SLCO2A1: variants seen among roughly 807,000 people sequenced by gnomAD.
SLCO2A1 encodes the protein matrin F/G 1.
Under a neutral mutation model 71.7 loss-of-function variants are expected in SLCO2A1, and 60 were observed. That is an observed-to-expected ratio of 0.84 (90% CI 0.68 to 1.04). The LOEUF is 1.04. Among genes scored for constraint, SLCO2A1 ranks in the 50% least tolerant of loss-of-function variants. The pLI is 0.00. For missense variants in SLCO2A1, 745 were observed against 813.4 expected (o/e 0.92, Z 1.02); for synonymous variants, 308 against 326.7 (o/e 0.94, Z 0.62).
At chr3:134,016,028 CCATT>C (rs759208835) in intron 1 of SLCO2A1, among the ~76,000 whole-genome samples, 122 of 152,136 alleles carry the variant, frequency 8.0e-4, no homozygotes, top group Non-Finnish European at 1.1e-3. Context: ...AACCTTACAT[CCATT>C]CAATTAACTC....
At chr3:133,953,853 C>T (rs1261093738) in intron 4 of SLCO2A1, 92 bp from the exon 5 acceptor site, 16 of 929,636 alleles carry the variant, frequency 1.7e-5, no homozygotes, top group Non-Finnish European at 2.4e-5. Context: ...CTTGAGATAT[C>T]ACTTCATCTG....
chr3:134,002,312 G>A (rs1462838423), intron 1 of SLCO2A1, among the ~76,000 whole-genome samples: 1 of 152,132 alleles, frequency 6.6e-6, no homozygotes, highest in Non-Finnish European at 1.5e-5. Flanking sequence ...CTGGCCCAGG[G>A]GTTCTCAGGG....
At chr3:134,024,534 G>A (rs575190113) in intron 1 of SLCO2A1, among the ~76,000 whole-genome samples, 37 of 152,332 alleles carry the variant, frequency 2.4e-4, no homozygotes, top group Admixed American at 7.8e-4. Context: ...CTATGTGTCA[G>A]AAAGAGAAAA....
rs1934378464 is a variant in SLCO2A1, at chr3:133,973,567, T to C, written c.397+96A>G. On this transcript the variant is annotated intron_variant, in intron 3 of 13. Coordinates refer to ENST00000310926, the MANE Select transcript of SLCO2A1 (RefSeq NM_005630.3). ...GTCTGAGCTTCATATGCCCTCTTCC[T>C]GGAGTGGTATCCACTGCCCTAGGAG... 3 of 1,287,708 alleles carry C rather than the reference T, an allele frequency of 2.3e-6. No individual in the cohort carries two copies. The Admixed American group carries it at 6.1e-5, about 26-fold the overall frequency. The allele number at this position is 1,287,708 out of a possible 1,614,324, so 79.8% of individuals were successfully genotyped here.
chr3:134,008,632 C>T (rs550459858), intron 1 of SLCO2A1, among the ~76,000 whole-genome samples: 1 of 152,288 alleles, frequency 6.6e-6, no homozygotes, highest in South Asian at 2.1e-4. Context: ...CACCACCTCA[C>T]CCTCAGGCCT....
At chr3:133,989,413 C>T (rs1258266776) in intron 1 of SLCO2A1, among the ~76,000 whole-genome samples, 1 of 152,188 alleles carries the variant, frequency 6.6e-6, no homozygotes, top group East Asian at 1.9e-4. Context: ...AGTGGTAACA[C>T]CCCTCTGAGA....
At chr3:133,965,071 T>G (rs747409699) in intron 3 of SLCO2A1, among the ~76,000 whole-genome samples, 1 of 152,126 alleles carries the variant, frequency 6.6e-6, no homozygotes, top group Non-Finnish European at 1.5e-5. Flanking sequence ...GGGTGTGAGA[T>G]AGAATTTATT....
At chr3:133,987,141 CCG>C (rs1934733961) in intron 1 of SLCO2A1, among the ~76,000 whole-genome samples, 1 of 127,884 alleles carries the variant, frequency 7.8e-6, no homozygotes, top group African/African-American at 2.9e-5. Flanking sequence ...GCCCCCCCCC[CCG>C]CCCCCGCCCC....
chr3:133,944,721 C>T (rs930552473), intron 10 of SLCO2A1, among the ~76,000 whole-genome samples: 2 of 152,328 alleles, frequency 1.3e-5, no homozygotes, highest in East Asian at 1.9e-4. Flanking sequence ...CTAATGCCCT[C>T]GATTTATCTG....
chr3:133,945,865 C>T (rs567350169), intron 9 of SLCO2A1, among the ~76,000 whole-genome samples: 20 of 152,262 alleles, frequency 1.3e-4, no homozygotes, highest in Admixed American at 3.3e-4. Flanking sequence ...TATAATTATA[C>T]GAATGAGAGT....
chr3:133,958,150 C>A (rs1933940218), intron 3 of SLCO2A1, among the ~76,000 whole-genome samples: 1 of 152,196 alleles, frequency 6.6e-6, no homozygotes, highest in African/African-American at 2.4e-5. Context: ...GGGTGTGGCG[C>A]TGGCTGACTC....
intron 3 of SLCO2A1, among the ~76,000 whole-genome samples, chr3:133,961,576 T>C (rs1343739806): frequency 2.6e-5 from 4 of 152,244 alleles, no homozygotes; most frequent in Admixed American, 6.5e-5. Flanking sequence ...AAAATCCTCA[T>C]GAAGTTCATC....
Position 133,946,468 on chromosome 3 carries a change from AG to A in SLCO2A1, c.1295+787del, listed in dbSNP as rs544483206. Among the ~76,000 whole-genome samples, 732 of 152,272 alleles carry A rather than the reference AG, an allele frequency of 4.8e-3. 10 individuals carry two copies. The highest frequency in any genetic ancestry group is 0.017 in the African/African-American group (691 of 41,528). ...CCCATATTGCTGTCTGCAAACCAAC[AG>A]GCAGACTTTACCTGACCTTCTCCTC... On this transcript the variant is annotated intron_variant, in intron 9 of 13. Coordinates refer to ENST00000310926, the MANE Select transcript of SLCO2A1 (RefSeq NM_005630.3).
chr3:133,982,853 G>T (rs531855775), intron 1 of SLCO2A1, among the ~76,000 whole-genome samples: 6 of 152,038 alleles, frequency 3.9e-5, no homozygotes, highest in Non-Finnish European at 8.8e-5. Flanking sequence ...GCCTGAATTG[G>T]CCTCTCTCAC....
intron 5 of SLCO2A1, among the ~76,000 whole-genome samples, chr3:133,952,418 G>A (rs1933767774): frequency 6.6e-6 from 1 of 152,202 alleles, no homozygotes; most frequent in African/African-American, 2.4e-5. Flanking sequence ...CCTGGAGTCT[G>A]GCTCAGTCCT....
chr3:133,979,366 A>C (rs977945737), intron 2 of SLCO2A1, 115 bp downstream of exon 2: 1 of 1,310,788 alleles, frequency 7.6e-7, no homozygotes, highest in Non-Finnish European at 1.1e-6. Context: ...TACCCGGCAG[A>C]AAGAGGCATT....
At chr3:134,019,017 C>A (rs575169683) in intron 1 of SLCO2A1, among the ~76,000 whole-genome samples, 2 of 152,212 alleles carry the variant, frequency 1.3e-5, no homozygotes, top group African/African-American at 2.4e-5. Context: ...GAGCATCCAC[C>A]TGAAGCCACT....
intron 1 of SLCO2A1, among the ~76,000 whole-genome samples, chr3:134,014,470 C>T (rs943888792): frequency 6.6e-6 from 1 of 152,144 alleles, no homozygotes; most frequent in Non-Finnish European, 1.5e-5. Flanking sequence ...AAATTTAATC[C>T]ATCCCAAACA....
intron 1 of SLCO2A1, among the ~76,000 whole-genome samples, chr3:133,985,456 A>AT (rs1934692087): frequency 6.6e-6 from 1 of 152,206 alleles, no homozygotes; most frequent in Non-Finnish European, 1.5e-5. Flanking sequence ...CTTTGGTAGA[A>AT]TTTGAGTCTT....
Sources: gnomAD v4.1 joint callset for allele counts (sites outside exome capture counted in the v4.1 genomes callset) on GRCh38, gnomAD v4.1.1 for gene constraint, MANE v1.5 for transcripts, NCBI Gene and HGNC (gene_info 2026-07-23, HGNC 2026-07-21) for gene names.